Variants in SH3GL3 observed in about 807,000 individuals in gnomAD.
The protein encoded by SH3GL3 is endophilin-A3.
Under a neutral mutation model 47.7 loss-of-function variants are expected in SH3GL3, and 33 were observed. The ratio of observed to expected loss-of-function variants is 0.69; its 90% CI spans 0.52 to 0.92. The LOEUF (loss-of-function observed/expected upper bound fraction) is 0.92. SH3GL3 is among the 40% of genes least tolerant of loss of function. SH3GL3 has a pLI of 0.00. For synonymous variants in SH3GL3, 155 were observed against 148.8 expected, an observed-to-expected ratio of 1.04 and a Z score of -0.30; for missense variants, 363 against 417.8, an observed-to-expected ratio of 0.87 and a Z score of 1.14.
At chr15:83,565,064 C>T (rs1163682825) in intron 2 of SH3GL3, 70 bp from the exon 3 acceptor site, 4 of 636,638 alleles carry the variant, frequency 6.3e-6, no homozygotes, top group Admixed American at 5.6e-5. Flanking sequence ...GAAAATTCCT[C>T]CTCTATTTGC....
chr15:83,551,886 ACT>A (rs1434432875), intron 1 of SH3GL3, among the ~76,000 whole-genome samples: 1 of 151,366 alleles, frequency 6.6e-6, no homozygotes, highest in African/African-American at 2.4e-5. Flanking sequence ...ATCTATTTGG[ACT>A]CTCTATTTTT....
intron 1 of SH3GL3, among the ~76,000 whole-genome samples, chr15:83,537,901 AT>A (rs1322499642): frequency 1.3e-5 from 2 of 152,116 alleles, no homozygotes; most frequent in Non-Finnish European, 2.9e-5. Context: ...AGATATATCT[AT>A]ATAGATATAT....
intron 6 of SH3GL3, among the ~76,000 whole-genome samples, chr15:83,583,252 A>G (rs1305874529): frequency 6.6e-6 from 1 of 152,152 alleles, no homozygotes; most frequent in African/African-American, 2.4e-5. Context: ...TGTCCTCGCC[A>G]TGGGCTTCAG....
At chr15:83,590,093 A>T (rs944100939) in intron 8 of SH3GL3, among the ~76,000 whole-genome samples, 1 of 151,758 alleles carries the variant, frequency 6.6e-6, no homozygotes, top group South Asian at 2.1e-4. Context: ...TGTTTATGTC[A>T]TTTATTTGTG....
At chr15:83,588,871 C>T (rs2060019622) in intron 8 of SH3GL3, 100 bp downstream of exon 8, 1 of 684,316 alleles carries the variant, frequency 1.5e-6, no homozygotes. Context: ...ACACACAGAC[C>T]CTGGATATCT....
chr15:83,606,520 C>G (rs2060520506), intron 8 of SH3GL3, among the ~76,000 whole-genome samples: 1 of 152,178 alleles, frequency 6.6e-6, no homozygotes. Context: ...ATTGTTCGGT[C>G]AGCAGGTTGT....
intron 8 of SH3GL3, among the ~76,000 whole-genome samples, chr15:83,613,077 C>A (rs1336844496): frequency 1.3e-5 from 2 of 152,208 alleles, no homozygotes; most frequent in Non-Finnish European, 2.9e-5. Context: ...CAGAAATGAC[C>A]CAGAATGAAA....
Position 83,575,837 on chromosome 15 carries a change from C to CT in SH3GL3, c.466-745dup, listed in dbSNP as rs542753284. On this transcript the variant is annotated intron_variant, in intron 5 of 8. Transcript: ENST00000427482. ...TTTCCGAGGATTATAGCCATAAACT[C>CT]TCCAGGGACCCCTCCCTTGTCCTGT... is the stretch of plus-strand genomic sequence containing the variant. Among the ~76,000 whole-genome samples, 390 of 152,236 alleles carry CT rather than the reference C, an allele frequency of 2.6e-3. 1 individual carries two copies. Among genetic ancestry groups the CT allele is most frequent in the African/African-American group, 6.7e-3 (277 of 41,542 alleles).
intron 5 of SH3GL3, among the ~76,000 whole-genome samples, chr15:83,573,516 A>G (rs1231631916): frequency 6.6e-6 from 1 of 152,208 alleles, no homozygotes; most frequent in Non-Finnish European, 1.5e-5. Context: ...TGTTTTATAA[A>G]GTCCTCCAGG....
At chr15:83,513,593 C>T (rs1428425071) in intron 1 of SH3GL3, among the ~76,000 whole-genome samples, 4 of 152,214 alleles carry the variant, frequency 2.6e-5, no homozygotes, top group Non-Finnish European at 5.9e-5. Flanking sequence ...GTCTTTTCTA[C>T]CACTGAGAAC....
At chr15:83,456,732 C>CAT (rs1567233183) in intron 1 of SH3GL3, among the ~76,000 whole-genome samples, 13 of 149,750 alleles carry the variant, frequency 8.7e-5, no homozygotes, top group Non-Finnish European at 1.8e-4. Flanking sequence ...GAGATGAACC[C>CAT]GGTACCTCAG....
chr15:83,447,622 G>C lies in SH3GL3; in HGVS notation c.45+44G>C, dbSNP rs1243964766. 2.9e-6 allele frequency: 4 copies of C among 1,377,500 alleles called. 1 individual carries two copies. Among genetic ancestry groups the C allele is most frequent in the South Asian group, 2.8e-5 (2 of 71,818 alleles). The allele number at this position is 1,377,500 out of a possible 1,614,324, so 85.3% of individuals were successfully genotyped here. On this transcript the variant is annotated intron_variant, in intron 1 of 8. Transcript: ENST00000427482. The surrounding 1 kb of genome is among the most constrained non-coding windows in gnomAD (Gnocchi z 5.1). ...GGGAAGGAGGGAGGGGGACGCGGAG[G>C]CTGCGGCCCCCCGAGGCTCCCGGGC...
At chr15:83,611,091 A>AT in intron 8 of SH3GL3, among the ~76,000 whole-genome samples, 1 of 151,914 alleles carries the variant, frequency 6.6e-6, no homozygotes, top group Middle Eastern at 3.4e-3. Context: ...GGCACCGCAA[A>AT]TAATGTTCCT....
In SH3GL3 at chr15:83,616,912, T is replaced by C. The variant is rs183920179; in HGVS notation, c.839-1170T>C. On this transcript the variant is annotated intron_variant, in intron 8 of 8. Coordinates refer to ENST00000427482, the MANE Select transcript of SH3GL3 (RefSeq NM_003027.5). ...AACAATAGGAGATTAGTTGAAGAAA[T>C]GTTACATTGTGAGAGCTGACAGCTA... Among the ~76,000 whole-genome samples, 298 of 152,310 alleles carry C rather than the reference T, an allele frequency of 2.0e-3. 2 individuals carry two copies. Among genetic ancestry groups the C allele is most frequent in the African/African-American group, 6.8e-3 (281 of 41,582 alleles).
At chr15:83,513,364 G>A (rs530737968) in intron 1 of SH3GL3, among the ~76,000 whole-genome samples, 1 of 152,192 alleles carries the variant, frequency 6.6e-6, no homozygotes, top group East Asian at 1.9e-4. Flanking sequence ...GAGGTTTCAT[G>A]ATCTTATTCC....
chr15:83,571,766 A>C (rs2151768315), intron 4 of SH3GL3, among the ~76,000 whole-genome samples: 1 of 152,178 alleles, frequency 6.6e-6, no homozygotes, highest in African/African-American at 2.4e-5. Context: ...ATTTGGAAAA[A>C]CCCAAATATA....
chr15:83,582,983 T>C (rs2059869090), intron 6 of SH3GL3, among the ~76,000 whole-genome samples: 1 of 152,156 alleles, frequency 6.6e-6, no homozygotes, highest in Non-Finnish European at 1.5e-5. Context: ...GACTGCAAAA[T>C]ACATGAGAAA....
At chr15:83,463,119 T>TC (rs1199487461) in intron 1 of SH3GL3, among the ~76,000 whole-genome samples, 2 of 152,222 alleles carry the variant, frequency 1.3e-5, no homozygotes, top group Admixed American at 6.5e-5. Flanking sequence ...GATAAGGCTA[T>TC]CTCAAGGACT....
At chr15:83,539,840 A>T (rs1216949757) in intron 1 of SH3GL3, among the ~76,000 whole-genome samples, 1 of 152,164 alleles carries the variant, frequency 6.6e-6, no homozygotes, top group Non-Finnish European at 1.5e-5. Context: ...TTAAATTTTT[A>T]CCTTAAACAT....
Sources: allele counts gnomAD v4.1 joint callset (sites outside exome capture counted in the v4.1 genomes callset), GRCh38; gene constraint gnomAD v4.1.1; non-coding constraint Gnocchi (gnomAD v3.1); transcripts MANE v1.5; gene names NCBI Gene and HGNC (gene_info 2026-07-23, HGNC 2026-07-21).